The following TIMP2 variants were observed in gnomAD, a reference collection of about 807,000 sequenced individuals.
TIMP2 encodes metalloproteinase inhibitor 2.
In TIMP2, 5 loss-of-function variants were observed where a neutral mutation model predicts 24.3. The ratio of observed to expected loss-of-function variants is 0.21; its 90% CI spans 0.11 to 0.43. The LOEUF is 0.43. Among genes scored for constraint, TIMP2 ranks in the 20% least tolerant of loss-of-function variants. The probability of loss-of-function intolerance (pLI) is 1.00; values close to 1 mark genes in which losing one functional copy is unlikely to be tolerated. For missense variants in TIMP2, 221 were observed against 297.5 expected (o/e 0.74, Z 1.89); for synonymous variants, 130 against 123.2 (o/e 1.06, Z -0.37).
rs147219810 is a variant in TIMP2 at position 78,916,234 on chromosome 17, C to T, written c.130+8725G>A. Among the ~76,000 whole-genome samples the T allele has an allele frequency of 7.4e-3, 1,121 of 152,260 alleles. 6 individuals are homozygous for T. Among genetic ancestry groups the T allele is most frequent in the Non-Finnish European group, 0.01 (694 of 68,026 alleles). On this transcript the variant is annotated intron_variant, in intron 1 of 4. Transcript: ENST00000262768. Reference sequence around the variant, plus strand: ...GGGGGCAGAGAGAGGCCACCTGTCCCGGATCGCTCTGCTGGACTCAATCTG... The same window carrying T: ...GGGGGCAGAGAGAGGCCACCTGTCCTGGATCGCTCTGCTGGACTCAATCTG...
At chr17:78,877,389 G>A in intron 1 of TIMP2, among the ~76,000 whole-genome samples, 1 of 152,080 alleles carries the variant, frequency 6.6e-6, no homozygotes. Flanking sequence ...GACCAGCCTA[G>A]CCAACATGGT....
intron 3 of TIMP2, among the ~76,000 whole-genome samples, chr17:78,869,503 C>T (rs1034371885): frequency 4.0e-5 from 6 of 151,498 alleles, no homozygotes; most frequent in South Asian, 4.2e-4. Flanking sequence ...AAATATTATT[C>T]ATCCTTAAAA....
chr17:78,858,540 T>A (rs1282676735), intron 3 of TIMP2, among the ~76,000 whole-genome samples: 1 of 152,172 alleles, frequency 6.6e-6, no homozygotes, highest in African/African-American at 2.4e-5. Flanking sequence ...CTATTGATTT[T>A]GAGACAGTCT....
intron 3 of TIMP2, 21 bp from the exon 4 acceptor site, chr17:78,857,667 C>A (rs754917578): frequency 5.0e-5 from 80 of 1,613,742 alleles, no homozygotes; most frequent in Non-Finnish European, 6.7e-5. Flanking sequence ...ACGGGGATCA[C>A]CGAGCTCAGG....
At chr17:78,892,421 C>T in intron 1 of TIMP2, 2 of 1,550,200 alleles carry the variant, frequency 1.3e-6, no homozygotes, top group African/African-American at 1.4e-5. Flanking sequence ...CGCCCCCGGG[C>T]CTGAGGAGCC....
At chr17:78,866,898 A>G (rs2069621827) in intron 3 of TIMP2, among the ~76,000 whole-genome samples, 1 of 152,124 alleles carries the variant, frequency 6.6e-6, no homozygotes, top group South Asian at 2.1e-4. Context: ...CAGGAGGGTA[A>G]TAGCTCAAGA....
Position 78,891,681 on chromosome 17 carries a change from G to A in TIMP2, c.131-17762C>T, listed in dbSNP as rs140031516. ...TTTCCCAGTTGCCTCCTCCCCGCCCGAGCTGTTCCTTTCTCTTTTTCCTCC... is the reference window on the plus strand; with the variant it reads ...TTTCCCAGTTGCCTCCTCCCCGCCCAAGCTGTTCCTTTCTCTTTTTCCTCC... On this transcript the variant is annotated intron_variant, in intron 1 of 4. Transcript: ENST00000262768. This position sits in a 1 kb window ranked among gnomAD's most constrained non-coding sequence, Gnocchi z 4.5. The A allele has an allele frequency of 1.8e-3, 2,730 of 1,550,934 alleles. 42 individuals carry two copies. The East Asian group carries it at 0.031, about 17-fold the overall frequency.
chr17:78,857,341 C>G, intron 4 of TIMP2, 181 bp downstream of exon 4: 2 of 803,362 alleles, frequency 2.5e-6, no homozygotes, highest in Non-Finnish European at 3.8e-6. Flanking sequence ...GACCAGGGGT[C>G]AAAGGCTCTG....
chr17:78,884,236 C>T (rs143262191), intron 1 of TIMP2, among the ~76,000 whole-genome samples: 8 of 152,318 alleles, frequency 5.3e-5, no homozygotes, highest in Admixed American at 3.3e-4. Flanking sequence ...GTGACAACTC[C>T]GGAGCCAGGG....
intron 1 of TIMP2, among the ~76,000 whole-genome samples, chr17:78,895,855 G>A (rs1373888800): frequency 1.3e-5 from 2 of 152,162 alleles, no homozygotes; most frequent in African/African-American, 2.4e-5. Flanking sequence ...GTCTATTTCT[G>A]TGCCAAGAGC....
intron 1 of TIMP2, among the ~76,000 whole-genome samples, chr17:78,885,227 C>T (rs1159572803): frequency 2.6e-5 from 4 of 152,178 alleles, no homozygotes. Flanking sequence ...GGCCGGAGGA[C>T]GAAGGTTCCA....
At chr17:78,888,097 A>G (rs1012525313) in intron 1 of TIMP2, among the ~76,000 whole-genome samples, 1 of 152,078 alleles carries the variant, frequency 6.6e-6, no homozygotes, top group African/African-American at 2.4e-5. Flanking sequence ...GCATACATAT[A>G]TGGATAAAGA....
intron 1 of TIMP2, among the ~76,000 whole-genome samples, chr17:78,881,086 G>A (rs1280279242): frequency 2.0e-5 from 3 of 152,200 alleles, no homozygotes; most frequent in African/African-American, 7.2e-5. Context: ...AAACACATTC[G>A]GCTGCTAAAT....
At chr17:78,857,421 G>A (rs775745086) in intron 4 of TIMP2, 101 bp downstream of exon 4, 177 of 1,500,054 alleles carry the variant, frequency 1.2e-4, no homozygotes, top group South Asian at 3.4e-4. Flanking sequence ...ATCAGGAGCC[G>A]GGGATTAACG....
At chr17:78,918,910 A>T (rs1461698102) in intron 1 of TIMP2, among the ~76,000 whole-genome samples, 1 of 152,010 alleles carries the variant, frequency 6.6e-6, no homozygotes, top group Non-Finnish European at 1.5e-5. Context: ...GGGCCAGGAA[A>T]TTGAAGCTGC....
At chr17:78,868,675 T>C (rs2069640230) in intron 3 of TIMP2, among the ~76,000 whole-genome samples, 1 of 152,146 alleles carries the variant, frequency 6.6e-6, no homozygotes, top group African/African-American at 2.4e-5. Flanking sequence ...CACATGTGGC[T>C]GTTTACATTT....
At chr17:78,879,246 G>C (rs2069756792) in intron 1 of TIMP2, among the ~76,000 whole-genome samples, 1 of 152,358 alleles carries the variant, frequency 6.6e-6, no homozygotes, top group Middle Eastern at 3.4e-3. Flanking sequence ...GGTGGACAGA[G>C]GAGGAGGGAG....
At chr17:78,881,199 C>T (rs372512249) in intron 1 of TIMP2, among the ~76,000 whole-genome samples, 7 of 152,380 alleles carry the variant, frequency 4.6e-5, no homozygotes, top group South Asian at 4.1e-4. Flanking sequence ...CCCTCCCAGC[C>T]GTCCACCCTC....
At chr17:78,873,983 G>A in intron 1 of TIMP2, 64 bp from the exon 2 acceptor site, 1 of 1,480,222 alleles carries the variant, frequency 6.8e-7, no homozygotes, top group Non-Finnish European at 9.4e-7. Context: ...GCTAAGGAGA[G>A]GGATAAGACG....
Sources: gnomAD v4.1 joint callset for allele counts (sites outside exome capture counted in the v4.1 genomes callset) on GRCh38, gnomAD v4.1.1 for gene constraint, Gnocchi (gnomAD v3.1) non-coding constraint, MANE v1.5 for transcripts, NCBI Gene and HGNC (gene_info 2026-07-23, HGNC 2026-07-21) for gene names.